Variants in PLS1 observed in about 807,000 individuals in gnomAD.
PLS1 encodes the protein plastin 1.
A neutral mutation model predicts 73.7 loss-of-function variants in PLS1; 32 were observed. That is an observed-to-expected ratio of 0.43 (90% CI 0.33 to 0.58). The LOEUF (loss-of-function observed/expected upper bound fraction) is 0.58. PLS1 is among the 20% of genes least tolerant of loss of function. The pLI is 0.04. For synonymous variants in PLS1, 217 were observed against 261.3 expected (o/e 0.83, Z 1.63); for missense variants, 633 against 740.5 (o/e 0.85, Z 1.68).
chr3:142,618,183 A>G (rs1560031848), intron 1 of PLS1, among the ~76,000 whole-genome samples: 1 of 152,112 alleles, frequency 6.6e-6, no homozygotes, highest in Non-Finnish European at 1.5e-5. Context: ...TCTAATATGT[A>G]TATGTTATTG....
intron 12 of PLS1, among the ~76,000 whole-genome samples, chr3:142,699,590 C>T (rs931646044): frequency 1.3e-5 from 2 of 151,922 alleles, no homozygotes; most frequent in African/African-American, 4.8e-5. Context: ...AAAGTATAAT[C>T]AAACAAACAA....
intron 1 of PLS1, among the ~76,000 whole-genome samples, chr3:142,612,328 T>C (rs903313063): frequency 1.3e-5 from 2 of 152,236 alleles, no homozygotes; most frequent in African/African-American, 4.8e-5. Context: ...AGTGTAATGA[T>C]GTGTCCAGTG....
At chr3:142,686,590 A>G (rs1483394453) in intron 9 of PLS1, among the ~76,000 whole-genome samples, 5 of 152,116 alleles carry the variant, frequency 3.3e-5, no homozygotes, top group Admixed American at 3.3e-4. Context: ...CCCTTCCCCC[A>G]GGCCCTGGTA....
chr3:142,704,693 G>A (rs2038418815), intron 14 of PLS1, 107 bp downstream of exon 14: 1 of 557,408 alleles, frequency 1.8e-6, no homozygotes, highest in Admixed American at 3.7e-5. Flanking sequence ...CTGTCACCCA[G>A]GCTGGTGTGC....
chr3:142,604,430 T>A (rs2035983581), intron 1 of PLS1, among the ~76,000 whole-genome samples: 1 of 152,192 alleles, frequency 6.6e-6, no homozygotes, highest in African/African-American at 2.4e-5. Flanking sequence ...CATTGGGACA[T>A]CCTTTTGGTC....
intron 1 of PLS1, among the ~76,000 whole-genome samples, chr3:142,633,369 A>G (rs1577807136): frequency 1.3e-5 from 2 of 152,360 alleles, no homozygotes; most frequent in East Asian, 1.9e-4. Flanking sequence ...GGCTGGGAGC[A>G]GTAGTTCACA....
At chr3:142,670,921 G>A in intron 3 of PLS1, 72 bp from the exon 4 acceptor site, 1 of 1,019,758 alleles carries the variant, frequency 9.8e-7, no homozygotes, top group South Asian at 1.5e-5. Flanking sequence ...ATAAAGAAGT[G>A]TAAATAAATA....
At chr3:142,621,473 G>A (rs1184831241) in intron 1 of PLS1, among the ~76,000 whole-genome samples, 1 of 152,022 alleles carries the variant, frequency 6.6e-6, no homozygotes, top group Non-Finnish European at 1.5e-5. Flanking sequence ...AATAAATCAT[G>A]GTATAGTCAT....
chr3:142,652,398 A>T (rs921841757), intron 1 of PLS1, among the ~76,000 whole-genome samples: 2 of 152,096 alleles, frequency 1.3e-5, no homozygotes, highest in African/African-American at 4.8e-5. Flanking sequence ...TTTTATATAT[A>T]CTTTTAATCT....
Position 142,689,670 on chromosome 3 carries a change from T to A in PLS1, c.1034T>A (p.Leu345Gln). 6.2e-7 allele frequency: 1 copy of A among 1,611,082 alleles called. No homozygotes were observed. The highest frequency in any genetic ancestry group is 8.5e-7 in the Non-Finnish European group (1 of 1,178,770). Residue 345 changes from leucine to glutamine, a missense_variant, in exon 10 of 16, where the codon CTG (leucine) becomes CAG (glutamine). By Grantham distance (113) the Leu-to-Gln change is moderately radical. Coordinates refer to ENST00000457734, the MANE Select transcript of PLS1 (RefSeq NM_001145319.2). Reference protein sequence around the residue: ...AGLMLQEADKLGCKQFVTPAD... With the variant: ...AGLMLQEADKQGCKQFVTPAD... The stretch of plus-strand genomic sequence containing the variant: ...CTCATGCTTCAAGAAGCAGATAAAC[T>A]GGGCTGCAAACAGTTTGTTACTCCT...
At chr3:142,673,366 A>G (rs533300808) in intron 4 of PLS1, among the ~76,000 whole-genome samples, 1 of 152,212 alleles carries the variant, frequency 6.6e-6, no homozygotes, top group South Asian at 2.1e-4. Flanking sequence ...ATTCCATTCT[A>G]TGGGCAATAC....
chr3:142,700,726 A>C (rs2038314968), intron 12 of PLS1, among the ~76,000 whole-genome samples: 1 of 152,230 alleles, frequency 6.6e-6, no homozygotes, highest in Non-Finnish European at 1.5e-5. Context: ...CAAAGCATTT[A>C]AAGTACTTGG....
At chr3:142,637,872 C>CTA (rs1216879815) in intron 1 of PLS1, among the ~76,000 whole-genome samples, 61 of 150,850 alleles carry the variant, frequency 4.0e-4, no homozygotes, top group South Asian at 1.7e-3. Flanking sequence ...CTCTCTCTCT[C>CTA]TATATATATA....
intron 4 of PLS1, among the ~76,000 whole-genome samples, chr3:142,675,770 G>C (rs1344890673): frequency 6.6e-6 from 1 of 152,030 alleles, no homozygotes; most frequent in Non-Finnish European, 1.5e-5. Flanking sequence ...CCACCCCCCG[G>C]TTCAAGCAAT....
rs1269866485 is a variant in PLS1 at position 142,684,177 on chromosome 3, A to T, written c.745+6A>T. On this transcript the variant is annotated splice_donor_region_variant and intron_variant, in intron 7 of 15. Transcript: ENST00000457734. Reference sequence around the variant, plus strand: ...TGAGATTTCCAGGAATGAAGGTAAGATCATTAGAAATATTTGCTGTTCATT... The same window carrying T: ...TGAGATTTCCAGGAATGAAGGTAAGTTCATTAGAAATATTTGCTGTTCATT... 1.2e-6 allele frequency: 2 copies of T among 1,613,908 alleles called. No individual in the cohort carries two copies. Among genetic ancestry groups the T allele is most frequent in the Non-Finnish European group, 8.5e-7 (1 of 1,179,806 alleles).
chr3:142,685,882 C>A (rs1253636858), intron 8 of PLS1, among the ~76,000 whole-genome samples: 2 of 152,308 alleles, frequency 1.3e-5, no homozygotes, highest in East Asian at 3.9e-4. Context: ...AGTGTGATCA[C>A]TGTTTACTTA....
chr3:142,611,939 CT>C (rs2036129041), intron 1 of PLS1, among the ~76,000 whole-genome samples: 4 of 152,186 alleles, frequency 2.6e-5, no homozygotes, highest in African/African-American at 9.6e-5. Context: ...GGTTAAATGA[CT>C]TGTTTAAGGT....
chr3:142,703,754 A>T, intron 12 of PLS1, 114 bp from the exon 13 acceptor site: 2 of 621,574 alleles, frequency 3.2e-6, no homozygotes, highest in South Asian at 2.3e-5. Flanking sequence ...GAAATTGGTC[A>T]TATAAATTTA....
At chr3:142,679,542 A>G (rs2037801911) in intron 6 of PLS1, among the ~76,000 whole-genome samples, 2 of 152,182 alleles carry the variant, frequency 1.3e-5, no homozygotes, top group Admixed American at 1.3e-4. Context: ...TCCTTTCCCC[A>G]TTGCTTGTTT....
Sources: gnomAD v4.1 joint callset for allele counts (sites outside exome capture counted in the v4.1 genomes callset) on GRCh38, gnomAD v4.1.1 for gene constraint, MANE v1.5 for transcripts, NCBI Gene and HGNC (gene_info 2026-07-23, HGNC 2026-07-21) for gene names.